The following SPECC1 variants were observed in gnomAD, a reference collection of about 807,000 sequenced individuals.
The protein encoded by SPECC1 is sperm antigen with calponin homology and coiled-coil domains 1.
A neutral mutation model predicts 104.1 loss-of-function variants in SPECC1; 62 were observed. That is an observed-to-expected ratio of 0.60 (90% CI 0.49 to 0.74). The LOEUF (loss-of-function observed/expected upper bound fraction) is 0.74. Among genes scored for constraint, SPECC1 ranks in the 30% least tolerant of loss-of-function variants. SPECC1 has a pLI of 0.00. For missense variants in SPECC1, 1,306 were observed against 1,310.5 expected (o/e 1.00, Z 0.05); for synonymous variants, 513 against 501.6 (o/e 1.02, Z -0.30).
chr17:20,200,451 G>A (rs1348155229), intron 3 of SPECC1, among the ~76,000 whole-genome samples: 1 of 152,152 alleles, frequency 6.6e-6, no homozygotes, highest in Non-Finnish European at 1.5e-5. Flanking sequence ...CTTGGAATCA[G>A]CCAGCCTCAG....
At chr17:20,176,838 C>T (rs905874999) in intron 3 of SPECC1, among the ~76,000 whole-genome samples, 1 of 152,140 alleles carries the variant, frequency 6.6e-6, no homozygotes, top group Non-Finnish European at 1.5e-5. Context: ...ATCTCAATAT[C>T]CTTAAGCACA....
intron 3 of SPECC1, among the ~76,000 whole-genome samples, chr17:20,129,477 C>T (rs983254852): frequency 6.6e-6 from 1 of 151,796 alleles, no homozygotes; most frequent in Non-Finnish European, 1.5e-5. Flanking sequence ...TGTGAGCCAC[C>T]GCGCCCAGCC....
chr17:20,307,386 G>A (rs2041798875), intron 14 of SPECC1, among the ~76,000 whole-genome samples: 1 of 152,120 alleles, frequency 6.6e-6, no homozygotes, highest in Admixed American at 6.6e-5. Context: ...CTTGTTCTTT[G>A]TGGTTGAAGG....
At chr17:20,242,908 C>A (rs907876226) in intron 7 of SPECC1, among the ~76,000 whole-genome samples, 1 of 152,106 alleles carries the variant, frequency 6.6e-6, no homozygotes, top group Non-Finnish European at 1.5e-5. Flanking sequence ...CTGAAATTAT[C>A]GATTATTATC....
At chr17:20,044,063 C>T (rs2045438925) in intron 1 of SPECC1, among the ~76,000 whole-genome samples, 1 of 152,066 alleles carries the variant, frequency 6.6e-6, no homozygotes, top group Non-Finnish European at 1.5e-5. Context: ...TAAACAGACT[C>T]CTAAGCTGTG....
intron 3 of SPECC1, among the ~76,000 whole-genome samples, chr17:20,194,502 A>ATTTTTTTTTTTTTTTTTTTTTT (rs1209589252): frequency 2.5e-4 from 22 of 86,518 alleles, no homozygotes; most frequent in African/African-American, 8.0e-4. Context: ...AAGAGAACGA[A>ATTTTTTTTTTTTTTTTTTTTTT]TTTTTTTTTT....
chr17:20,221,809 G>A (rs1226026123), intron 4 of SPECC1, among the ~76,000 whole-genome samples: 1 of 151,980 alleles, frequency 6.6e-6, no homozygotes, highest in Non-Finnish European at 1.5e-5. Flanking sequence ...TGCTTTTGCT[G>A]TATCTCATAA....
rs148836934 is a variant in SPECC1 at position 20,022,812 on chromosome 17, G to A, written c.-22+13388G>A. Among the ~76,000 whole-genome samples the A allele has an allele frequency of 1.4e-4, 21 of 152,328 alleles. No individual in the cohort carries two copies. The East Asian group carries it at 4.0e-3, about 29-fold the overall frequency. ...TACCTTAAGGATAAACAAGCATGGT[G>A]ATGATGTTCCCAAGATTGCTTGGAC... On this transcript the variant is annotated intron_variant, in intron 1 of 14. Coordinates refer to ENST00000395527, the MANE Select transcript of SPECC1 (RefSeq NM_001243439.2).
chr17:20,266,516 G>A (rs1207656445), intron 12 of SPECC1, among the ~76,000 whole-genome samples: 3 of 152,182 alleles, frequency 2.0e-5, no homozygotes, highest in Non-Finnish European at 4.4e-5. Context: ...CCCGGGAGGC[G>A]GAGCTTGCGG....
chr17:20,223,975 T>C (rs2038054695), intron 4 of SPECC1, among the ~76,000 whole-genome samples: 1 of 152,244 alleles, frequency 6.6e-6, no homozygotes, highest in African/African-American at 2.4e-5. Context: ...CTTGTCTTTC[T>C]TGAGAAGACT....
chr17:20,311,264 A>G (rs1598184265), intron 14 of SPECC1, among the ~76,000 whole-genome samples: 1 of 152,304 alleles, frequency 6.6e-6, no homozygotes, highest in Non-Finnish European at 1.5e-5. Context: ...GGATTTTTCT[A>G]AACAATCATA....
At chr17:20,124,674 A>G (rs573623440) in intron 3 of SPECC1, among the ~76,000 whole-genome samples, 22 of 152,312 alleles carry the variant, frequency 1.4e-4, no homozygotes, top group Middle Eastern at 3.4e-3. Flanking sequence ...ATAAGCTGCA[A>G]ATATGCTAAG....
chr17:20,022,083 T>A (rs1471885392), intron 1 of SPECC1, among the ~76,000 whole-genome samples: 1 of 151,764 alleles, frequency 6.6e-6, no homozygotes, highest in African/African-American at 2.4e-5. Context: ...CTGGGACTAC[T>A]GGTGCCCACC....
At chr17:20,017,267 C>T (rs1010716518) in intron 1 of SPECC1, 1 of 152,376 alleles carries the variant, frequency 6.6e-6, no homozygotes, top group African/African-American at 2.4e-5. Flanking sequence ...ACACACACCT[C>T]GAAGGTCTGC....
intron 12 of SPECC1, among the ~76,000 whole-genome samples, chr17:20,262,163 T>G (rs1305454584): frequency 6.6e-6 from 1 of 152,238 alleles, no homozygotes; most frequent in Non-Finnish European, 1.5e-5. Context: ...TCTTCACCAT[T>G]TAGTAACCCA....
intron 14 of SPECC1, among the ~76,000 whole-genome samples, chr17:20,307,303 G>A (rs73309111): frequency 0.27 from 41,560 of 152,058 alleles, 7,443 homozygotes; most frequent in African/African-American, 0.52. Context: ...TCACCACTCA[G>A]TATTGTAATC....
chr17:20,289,340 T>A (rs929039423), intron 12 of SPECC1, among the ~76,000 whole-genome samples: 1 of 152,110 alleles, frequency 6.6e-6, no homozygotes, highest in Non-Finnish European at 1.5e-5. Flanking sequence ...CTTGCTCTGA[T>A]GTCCAGGCTA....
At chr17:20,054,015 G>A (rs747708321) in intron 1 of SPECC1, among the ~76,000 whole-genome samples, 2 of 152,166 alleles carry the variant, frequency 1.3e-5, no homozygotes, top group Admixed American at 1.3e-4. Flanking sequence ...ATCAAGTCCT[G>A]TTATTTTCAT....
At position 20,317,069 on chromosome 17, in the gene SPECC1, T is replaced by A. The variant is rs959812697; in HGVS notation, c.*3004T>A. On this transcript the variant is annotated 3_prime_UTR_variant, in exon 15 of 15. Coordinates refer to ENST00000395527, the MANE Select transcript of SPECC1 (RefSeq NM_001243439.2). ...CCCCGACTACCATTTTTTTTTTTTT[T>A]ATTTGCCAGTGGTGTGCATGTAGAA... 6 of 173,838 alleles carry A rather than the reference T, an allele frequency of 3.5e-5. No homozygotes were observed. Among genetic ancestry groups the A allele is most frequent in the Non-Finnish European group, 7.0e-5 (6 of 85,874 alleles). The allele number at this position is 173,838 out of a possible 1,614,324, so 10.8% of individuals were successfully genotyped here. A position where few individuals can be genotyped will look rare whatever the true frequency, so the allele number is the denominator to read the frequency against.
Sources: allele counts gnomAD v4.1 joint callset (sites outside exome capture counted in the v4.1 genomes callset), GRCh38; gene constraint gnomAD v4.1.1; transcripts MANE v1.5; gene names NCBI Gene and HGNC (gene_info 2026-07-23, HGNC 2026-07-21).